TTC6: variants seen among roughly 807,000 people sequenced by gnomAD.
The protein encoded by TTC6 is tetratricopeptide repeat domain 6, also known as tetratricopeptide repeat protein 6.
A neutral mutation model predicts 210.4 loss-of-function variants in TTC6; 172 were observed. The ratio of observed to expected loss-of-function variants is 0.82; its 90% CI spans 0.72 to 0.93. The LOEUF is 0.93. TTC6 is among the 40% of genes least tolerant of loss of function. The probability of loss-of-function intolerance (pLI) is 0.00; values close to 1 mark genes in which losing one functional copy is unlikely to be tolerated. For missense variants in TTC6, 2,414 were observed against 2,318.1 expected (o/e 1.04, Z -0.85); for synonymous variants, 804 against 819.6 (o/e 0.98, Z 0.32).
At chr14:37,699,050 A>G (rs1417597745) in intron 4 of TTC6, among the ~76,000 whole-genome samples, 1 of 152,214 alleles carries the variant, frequency 6.6e-6, no homozygotes, top group Non-Finnish European at 1.5e-5. Context: ...TGGACAGACC[A>G]GCATTAACCC....
At chr14:37,615,511 T>C (rs1225219814) in intron 2 of TTC6, among the ~76,000 whole-genome samples, 1 of 152,088 alleles carries the variant, frequency 6.6e-6, no homozygotes, top group African/African-American at 2.4e-5. Flanking sequence ...TTTCTGTGCA[T>C]TTATCTTTAA....
chr14:37,837,450 C>G (rs1274058666), intron 29 of TTC6: 1 of 452,832 alleles, frequency 2.2e-6, no homozygotes, highest in African/African-American at 2.0e-5. Context: ...TGTCCCCCCT[C>G]CCCCCAACCT....
At chr14:37,653,325 A>G (rs994335801) in intron 1 of TTC6, among the ~76,000 whole-genome samples, 2 of 152,126 alleles carry the variant, frequency 1.3e-5, no homozygotes, top group Non-Finnish European at 2.9e-5. Context: ...TTTCATTCCA[A>G]CATCCTTCAT....
chr14:37,799,739 C>A (rs992191549), intron 20 of TTC6, among the ~76,000 whole-genome samples: 1 of 152,074 alleles, frequency 6.6e-6, no homozygotes, highest in Non-Finnish European at 1.5e-5. Context: ...CAGTAAGAAG[C>A]CTGGGCCCTC....
At chr14:37,811,691 G>A (rs1393071932) in intron 24 of TTC6, among the ~76,000 whole-genome samples, 1 of 152,090 alleles carries the variant, frequency 6.6e-6, no homozygotes, top group Non-Finnish European at 1.5e-5. Context: ...ATGGAGAAGG[G>A]TCTGAGTTGA....
At chr14:37,771,773 T>C (rs1020149454) in intron 14 of TTC6, among the ~76,000 whole-genome samples, 8 of 152,190 alleles carry the variant, frequency 5.3e-5, no homozygotes, top group African/African-American at 1.9e-4. Context: ...CTCAGAGTAA[T>C]TTGATCGTCT....
chr14:37,705,252 G>A (rs893230283), intron 5 of TTC6, among the ~76,000 whole-genome samples: 2 of 152,088 alleles, frequency 1.3e-5, no homozygotes, highest in African/African-American at 4.8e-5. Context: ...CAGATCATTA[G>A]CTTTATACAT....
intron 1 of TTC6, among the ~76,000 whole-genome samples, chr14:37,663,154 G>T (rs1280107899): frequency 6.6e-6 from 1 of 151,622 alleles, no homozygotes; most frequent in East Asian, 1.9e-4. Context: ...TATTTTTTTT[G>T]TGGTAACGGT....
downstream of TTC6, chr14:37,842,677 A>G (rs1241419815): frequency 1.6e-5 from 1 of 64,312 alleles, no homozygotes; most frequent in Non-Finnish European, 3.7e-5. Context: ...ATTAAACAGT[A>G]TACAGATTAA....
intron 14 of TTC6, among the ~76,000 whole-genome samples, chr14:37,784,468 G>A (rs1003907037): frequency 6.6e-6 from 1 of 151,914 alleles, no homozygotes; most frequent in African/African-American, 2.4e-5. Context: ...TTTTCCATTT[G>A]CTTGGTAGAT....
At chr14:37,610,719 T>G (rs1242512438) in intron 2 of TTC6, among the ~76,000 whole-genome samples, 2 of 152,230 alleles carry the variant, frequency 1.3e-5, no homozygotes, top group Non-Finnish European at 2.9e-5. Flanking sequence ...CCAAGATGGC[T>G]ACTCTCTGGA....
chr14:37,785,746 T>C (rs779997936), intron 14 of TTC6, among the ~76,000 whole-genome samples: 7 of 152,230 alleles, frequency 4.6e-5, no homozygotes, highest in Non-Finnish European at 7.3e-5. Flanking sequence ...TTTATCCCCA[T>C]ATTTTTGGTT....
At chr14:37,637,298 A>T (rs146498631) in intron 1 of TTC6, among the ~76,000 whole-genome samples, 243 of 152,366 alleles carry the variant, frequency 1.6e-3, no homozygotes, top group African/African-American at 5.4e-3. Flanking sequence ...TCCAAAGGAC[A>T]AATTGAGACA....
chr14:37,624,203 T>C (rs2095656282), intron 1 of TTC6, among the ~76,000 whole-genome samples: 1 of 152,192 alleles, frequency 6.6e-6, no homozygotes, highest in Admixed American at 6.5e-5. Flanking sequence ...ATGACAAATG[T>C]TCTGAGTTGA....
intron 26 of TTC6, among the ~76,000 whole-genome samples, chr14:37,821,034 CTTCT>C: frequency 1.4e-5 from 2 of 146,990 alleles, no homozygotes; most frequent in Non-Finnish European, 3.1e-5. Context: ...TCTTCTTCTT[CTTCT>C]TCTTCTTCTT....
intron 1 of TTC6, 83 bp downstream of exon 3, chr14:37,623,086 T>C (rs1356550246): frequency 1.1e-6 from 1 of 880,274 alleles, no homozygotes; most frequent in Non-Finnish European, 1.6e-6. Context: ...TTATTATGGA[T>C]AATATTTCAG....
At chr14:37,819,278 C>G (rs187118826) in intron 26 of TTC6, among the ~76,000 whole-genome samples, 116 of 152,126 alleles carry the variant, frequency 7.6e-4, no homozygotes, top group African/African-American at 2.8e-3. Flanking sequence ...TTTTGCTTTT[C>G]TAGGTGAGCT....
intron 1 of TTC6, among the ~76,000 whole-genome samples, chr14:37,666,122 G>C (rs2095747462): frequency 6.6e-6 from 1 of 150,380 alleles, no homozygotes; most frequent in Non-Finnish European, 1.5e-5. Flanking sequence ...GAGAGTCCTT[G>C]GGTCCTGTGG....
At chr14:37,665,584 G>A (rs771013896) in intron 1 of TTC6, among the ~76,000 whole-genome samples, 2 of 150,112 alleles carry the variant, frequency 1.3e-5, no homozygotes, top group Admixed American at 6.6e-5. Flanking sequence ...TCTGTGCAAC[G>A]AACCACCGTG....
Sources: gnomAD v4.1 joint callset for allele counts (sites outside exome capture counted in the v4.1 genomes callset) on GRCh38, gnomAD v4.1.1 for gene constraint, MANE v1.5 for transcripts, NCBI Gene and HGNC (gene_info 2026-07-23, HGNC 2026-07-21) for gene names.